SLC39A10: variants seen among roughly 807,000 people sequenced by gnomAD.
SLC39A10 encodes zinc transporter ZIP10.
Under a neutral mutation model 65.1 loss-of-function variants are expected in SLC39A10, and 13 were observed. The observed-to-expected ratio is 0.20, with a 90% confidence interval of 0.13 to 0.32. The LOEUF is 0.32. SLC39A10 is among the 10% of genes least tolerant of loss of function. SLC39A10 has a pLI of 1.00. For synonymous variants in SLC39A10, 321 were observed against 342.2 expected, an observed-to-expected ratio of 0.94 and a Z score of 0.68; for missense variants, 831 against 1,018.4, an observed-to-expected ratio of 0.82 and a Z score of 2.50.
At chr2:195,671,418 A>G (rs1053864803) in intron 1 of SLC39A10, among the ~76,000 whole-genome samples, 5 of 152,228 alleles carry the variant, frequency 3.3e-5, no homozygotes, top group Non-Finnish European at 7.3e-5. Flanking sequence ...AGCCTCATCC[A>G]TTGATGTTGA....
intron 1 of SLC39A10, among the ~76,000 whole-genome samples, chr2:195,664,928 A>T (rs1187628622): frequency 1.3e-5 from 2 of 152,192 alleles, no homozygotes; most frequent in Non-Finnish European, 2.9e-5. Context: ...CACACCTGTA[A>T]TCCCAGCACT....
In SLC39A10 at chr2:195,673,856, C is replaced by G. The variant is rs1443019489; in HGVS notation, c.-11-6176C>G. On this transcript the variant is annotated intron_variant, in intron 1 of 9. Transcript: ENST00000359634. Reference sequence around the variant, plus strand: ...CCTGAATCCCATTATCTTGCTTTAACAAATATTAAATGTTTTATCATATTG... The same window carrying G: ...CCTGAATCCCATTATCTTGCTTTAAGAAATATTAAATGTTTTATCATATTG... 2.0e-5 allele frequency among the ~76,000 whole-genome samples: 3 copies of G among 152,232 alleles called. No homozygotes were observed. The East Asian group carries it at 5.8e-4, about 29-fold the overall frequency.
At chr2:195,678,322 A>G (rs959443206) in intron 1 of SLC39A10, among the ~76,000 whole-genome samples, 1 of 152,184 alleles carries the variant, frequency 6.6e-6, no homozygotes, top group Non-Finnish European at 1.5e-5. Context: ...CATGGGGTAT[A>G]TAGTGGTATC....
intron 2 of SLC39A10, among the ~76,000 whole-genome samples, chr2:195,624,431 A>C (rs986495649): frequency 6.6e-6 from 1 of 150,874 alleles, no homozygotes; most frequent in African/African-American, 2.4e-5. Flanking sequence ...CCTAAAAACA[A>C]GACAAAAAAA....
intron 2 of SLC39A10, among the ~76,000 whole-genome samples, chr2:195,646,668 G>A (rs1001872209): frequency 4.0e-5 from 6 of 148,792 alleles, no homozygotes; most frequent in African/African-American, 1.2e-4. Context: ...AGGCCGGTAG[G>A]GCCTTTTAGG....
At chr2:195,617,926 A>G (rs1195155007) in intron 2 of SLC39A10, among the ~76,000 whole-genome samples, 3 of 149,960 alleles carry the variant, frequency 2.0e-5, no homozygotes, top group African/African-American at 4.9e-5. Context: ...TTTTTAGTAG[A>G]GACGGGGTTT....
intron 2 of SLC39A10, among the ~76,000 whole-genome samples, chr2:195,637,754 G>A (rs142787594): frequency 1.6e-4 from 24 of 152,340 alleles, no homozygotes; most frequent in South Asian, 4.1e-4. Flanking sequence ...GAAGGTCTGC[G>A]TAGGTAGAAA....
chr2:195,674,948 A>G (rs1359682409), intron 1 of SLC39A10, among the ~76,000 whole-genome samples: 2 of 152,214 alleles, frequency 1.3e-5, no homozygotes, highest in Admixed American at 6.5e-5. Context: ...GGGCACTAAT[A>G]TGAATGGAGC....
At chr2:195,619,114 A>G (rs6712832) in intron 2 of SLC39A10, among the ~76,000 whole-genome samples, 61 of 131,954 alleles carry the variant, frequency 4.6e-4, no homozygotes, top group East Asian at 1.9e-3. Flanking sequence ...AAAAAAAAAA[A>G]AGAGAGAGAG....
intron 2 of SLC39A10, among the ~76,000 whole-genome samples, chr2:195,636,962 T>C (rs1047250263): frequency 1.3e-5 from 2 of 152,116 alleles, no homozygotes; most frequent in African/African-American, 4.8e-5. Context: ...ATAAAATATT[T>C]ACCATTTGGG....
chr2:195,723,110 G>C (rs1692107754), intron 8 of SLC39A10, among the ~76,000 whole-genome samples: 1 of 152,150 alleles, frequency 6.6e-6, no homozygotes, highest in African/African-American at 2.4e-5. Flanking sequence ...TAGAACCATA[G>C]AATAACATAT....
At chr2:195,613,188 C>T (rs893188652) in intron 2 of SLC39A10, among the ~76,000 whole-genome samples, 26 of 152,066 alleles carry the variant, frequency 1.7e-4, no homozygotes, top group African/African-American at 6.3e-4. Context: ...CCACCCCACC[C>T]TTCTATCCTC....
chr2:195,630,684 C>T (rs1688567939), intron 2 of SLC39A10, among the ~76,000 whole-genome samples: 1 of 152,166 alleles, frequency 6.6e-6, no homozygotes, highest in Non-Finnish European at 1.5e-5. Context: ...TGGACGAAAA[C>T]CATTATGTAT....
upstream of SLC39A10, among the ~76,000 whole-genome samples, chr2:195,656,432 G>T (rs1456511421): frequency 1.3e-5 from 2 of 152,150 alleles, no homozygotes; most frequent in African/African-American, 4.8e-5. Context: ...GGATTTTTTT[G>T]TCATAGAGTG....
At position 195,657,635 on chromosome 2, in the gene SLC39A10, C is replaced by G. The variant is rs540688674; in HGVS notation, c.-12+354C>G. 305 of 985,246 alleles carry G rather than the reference C, an allele frequency of 3.1e-4. 2 individuals are homozygous for G. The African/African-American group carries it at 5.1e-3, about 17-fold the overall frequency. 61.0% of individuals were successfully genotyped at this position (985,246 alleles called of 1,614,324 possible). On this transcript the variant is annotated intron_variant, in intron 1 of 9. Coordinates refer to ENST00000359634, the MANE Select transcript of SLC39A10 (RefSeq NM_020342.3). ...GTTGGCGGAGCCTCGCGGGCCGCGC[C>G]CGGGGTGGGGGAGTGACCGCTGGGC...
intron 2 of SLC39A10, among the ~76,000 whole-genome samples, chr2:195,625,204 G>T (rs1476880481): frequency 7.5e-6 from 1 of 134,200 alleles, no homozygotes; most frequent in Non-Finnish European, 1.5e-5. Flanking sequence ...GCGACAGAGG[G>T]ACACTCTGTC....
chr2:195,621,053 A>G (rs1343067710), intron 2 of SLC39A10, among the ~76,000 whole-genome samples: 1 of 152,254 alleles, frequency 6.6e-6, no homozygotes, highest in African/African-American at 2.4e-5. Context: ...TTCAAATAGA[A>G]CATAAATTTT....
intron 3 of SLC39A10, among the ~76,000 whole-genome samples, chr2:195,705,328 CT>C (rs1046779567): frequency 1.1e-4 from 17 of 152,224 alleles, no homozygotes; most frequent in Non-Finnish European, 2.1e-4. Context: ...TAGGAATTCT[CT>C]TTTAAGATAC....
intron 1 of SLC39A10, among the ~76,000 whole-genome samples, chr2:195,674,879 A>G (rs1043156111): frequency 3.3e-5 from 5 of 152,250 alleles, no homozygotes; most frequent in African/African-American, 1.2e-4. Flanking sequence ...ATGTTTAAAC[A>G]TAGAAAAGGT....
Sources: allele counts gnomAD v4.1 joint callset (sites outside exome capture counted in the v4.1 genomes callset), GRCh38; gene constraint gnomAD v4.1.1; transcripts MANE v1.5; gene names NCBI Gene and HGNC (gene_info 2026-07-23, HGNC 2026-07-21).